CDH8: variants seen among roughly 807,000 people sequenced by gnomAD.
CDH8 encodes cadherin-8.
CDH8 carries 17 observed loss-of-function variants against 68.1 expected under a neutral mutation model. The ratio of observed to expected loss-of-function variants is 0.25; its 90% CI spans 0.17 to 0.37. The LOEUF (loss-of-function observed/expected upper bound fraction) is 0.37. CDH8 is among the 10% of genes least tolerant of loss of function. The pLI, the probability that CDH8 is intolerant of heterozygous loss-of-function variation, is 1.00. For synonymous variants in CDH8, 372 were observed against 365.1 expected, an observed-to-expected ratio of 1.02 and a Z score of -0.21; for missense variants, 763 against 999.3, an observed-to-expected ratio of 0.76 and a Z score of 3.19.
intron 6 of CDH8, among the ~76,000 whole-genome samples, chr16:61,818,768 G>T (rs1962141204): frequency 6.6e-6 from 1 of 152,054 alleles, no homozygotes; most frequent in Non-Finnish European, 1.5e-5. Flanking sequence ...TTTCTCATAA[G>T]AAATAGAACT....
intron 10 of CDH8, among the ~76,000 whole-genome samples, chr16:61,705,276 T>C (rs1964506084): frequency 6.6e-6 from 1 of 152,186 alleles, no homozygotes; most frequent in Non-Finnish European, 1.5e-5. Context: ...GTAAACACTG[T>C]ACACTGAAAG....
At chr16:61,807,478 AAAAAAACAAAAAAC>A (rs923073339) in intron 7 of CDH8, among the ~76,000 whole-genome samples, 1 of 151,734 alleles carries the variant, frequency 6.6e-6, no homozygotes, top group Non-Finnish European at 1.5e-5. Flanking sequence ...AAGTATAATA[AAAAAAACAAAAAAC>A]AAAAAACAAA....
intron 10 of CDH8, among the ~76,000 whole-genome samples, chr16:61,709,740 A>C (rs1358246220): frequency 6.6e-6 from 1 of 152,148 alleles, no homozygotes; most frequent in African/African-American, 2.4e-5. Flanking sequence ...GGTTAAAAAA[A>C]AAAAGTCATC....
chr16:61,690,832 T>C (rs1964207164), intron 10 of CDH8, among the ~76,000 whole-genome samples: 1 of 152,078 alleles, frequency 6.6e-6, no homozygotes, highest in Admixed American at 6.6e-5. Flanking sequence ...CATACGTGGG[T>C]GACTCCTCCC....
chr16:61,910,024 A>G (rs577743130), intron 2 of CDH8, among the ~76,000 whole-genome samples: 3 of 152,186 alleles, frequency 2.0e-5, no homozygotes, highest in African/African-American at 4.8e-5. Context: ...CTAGACTCCA[A>G]TAAAGTTCAC....
intron 2 of CDH8, among the ~76,000 whole-genome samples, chr16:61,979,057 A>G (rs551146264): frequency 1.3e-5 from 2 of 148,864 alleles, no homozygotes; most frequent in South Asian, 4.2e-4. Flanking sequence ...TCTAGAAAGA[A>G]AAAAAAAAAA....
intron 8 of CDH8, among the ~76,000 whole-genome samples, chr16:61,781,529 G>C (rs1443855183): frequency 6.6e-6 from 1 of 152,200 alleles, no homozygotes; most frequent in African/African-American, 2.4e-5. Flanking sequence ...TCTAAAGCAG[G>C]AGGATCACTT....
At chr16:61,734,251 C>T (rs1231432766) in intron 8 of CDH8, among the ~76,000 whole-genome samples, 1 of 152,038 alleles carries the variant, frequency 6.6e-6, no homozygotes, top group Non-Finnish European at 1.5e-5. Flanking sequence ...TTTGAACATT[C>T]GCAGTTGGAG....
At chr16:62,016,199 C>T (rs974042793) in intron 2 of CDH8, among the ~76,000 whole-genome samples, 1 of 152,126 alleles carries the variant, frequency 6.6e-6, no homozygotes, top group Non-Finnish European at 1.5e-5. Context: ...GAACCACATT[C>T]CTTCATGTCA....
At chr16:61,686,945 T>G (rs1964121520) in intron 10 of CDH8, among the ~76,000 whole-genome samples, 2 of 151,874 alleles carry the variant, frequency 1.3e-5, no homozygotes, top group Admixed American at 1.3e-4. Context: ...TAGATATTTT[T>G]TAAGAAAGCA....
Position 61,945,743 on chromosome 16 carries a change from C to T in CDH8, c.253-44270G>A, listed in dbSNP as rs184502385. On this transcript the variant is annotated intron_variant, in intron 2 of 11. Coordinates refer to ENST00000577390, the MANE Select transcript of CDH8 (RefSeq NM_001796.5). ...CAAGACACTGAGGAGAAATTAGAAA[C>T]GACCAGCTGGTGTGAATCAAGAGAA... Among the ~76,000 whole-genome samples the T allele has an allele frequency of 1.6e-3, 239 of 152,246 alleles. 5 individuals carry two copies. The highest frequency in any genetic ancestry group is 0.015 in the Admixed American group (231 of 15,294).
intron 2 of CDH8, among the ~76,000 whole-genome samples, chr16:62,014,343 G>A (rs1901886792): frequency 1.3e-5 from 2 of 152,040 alleles, no homozygotes; most frequent in African/African-American, 4.8e-5. Flanking sequence ...TCGGAACATT[G>A]GACAAGAGGG....
Position 61,788,767 on chromosome 16 carries a change from C to A in CDH8, c.1414+579G>T, listed in dbSNP as rs539437610. The stretch of plus-strand genomic sequence containing the variant: ...TAATAAAATAGCTCAAATGTTTTCA[C>A]AAAATGTATGAAAAAAATTACATTG... On this transcript the variant is annotated intron_variant, in intron 8 of 11. Coordinates refer to ENST00000577390, the MANE Select transcript of CDH8 (RefSeq NM_001796.5). Among the ~76,000 whole-genome samples the A allele has an allele frequency of 1.4e-3, 215 of 151,774 alleles. 2 individuals carry two copies. The Middle Eastern group carries it at 0.031, about 22-fold the overall frequency.
intron 10 of CDH8, among the ~76,000 whole-genome samples, chr16:61,667,974 A>G (rs1963713688): frequency 6.6e-6 from 1 of 152,040 alleles, no homozygotes; most frequent in African/African-American, 2.4e-5. Context: ...AGACTCTAAG[A>G]CATTTTTATT....
chr16:61,694,947 A>G (rs1004781990), intron 10 of CDH8, among the ~76,000 whole-genome samples: 1 of 151,676 alleles, frequency 6.6e-6, no homozygotes, highest in African/African-American at 2.4e-5. Context: ...ACGCCTGGCT[A>G]ATTTTTGTAT....
chr16:61,875,419 T>C (rs1963441631), intron 3 of CDH8, among the ~76,000 whole-genome samples: 1 of 152,114 alleles, frequency 6.6e-6, no homozygotes, highest in Non-Finnish European at 1.5e-5. Context: ...AAGCTACACT[T>C]TAACTGATCC....
intron 10 of CDH8, among the ~76,000 whole-genome samples, chr16:61,713,384 T>C (rs1317264973): frequency 6.6e-6 from 1 of 151,694 alleles, no homozygotes; most frequent in East Asian, 1.9e-4. Flanking sequence ...CTGTTATTGT[T>C]AAAGTTGGTA....
chr16:62,021,447 T>C lies in CDH8; in HGVS notation c.-44A>G, dbSNP rs775236489. On this transcript the variant is annotated 5_prime_UTR_variant, in exon 2 of 12. Transcript: ENST00000577390. ...AATCACCACGAAAATGAGACAATTA[T>C]TTTTTTTGTCTCCGGTCTGCAGCCA... 7.8e-6 allele frequency: 12 copies of C among 1,546,906 alleles called. 1 individual carries two copies. In the South Asian group the frequency reaches 1.3e-4, roughly 16 times the overall value.
chr16:61,669,185 G>C (rs984135437), intron 10 of CDH8, among the ~76,000 whole-genome samples: 3 of 151,986 alleles, frequency 2.0e-5, no homozygotes, highest in Non-Finnish European at 4.4e-5. Flanking sequence ...TGCTTCATCA[G>C]GCAAGCCACC....
Sources: gnomAD v4.1 joint callset for allele counts (sites outside exome capture counted in the v4.1 genomes callset) on GRCh38, gnomAD v4.1.1 for gene constraint, MANE v1.5 for transcripts, NCBI Gene and HGNC (gene_info 2026-07-23, HGNC 2026-07-21) for gene names.